The following PCDHA11 variants were observed in gnomAD, a reference collection of about 807,000 sequenced individuals.
The protein encoded by PCDHA11 is protocadherin alpha-11.
Under a neutral mutation model 70.3 loss-of-function variants are expected in PCDHA11, and 61 were observed. The ratio of observed to expected loss-of-function variants is 0.87; its 90% confidence interval spans 0.71 to 1.07. PCDHA11 has a LOEUF of 1.07. PCDHA11 is among the 50% of genes least tolerant of loss of function. PCDHA11 has a pLI of 0.00. For synonymous variants in PCDHA11, 633 were observed against 555.1 expected, an observed-to-expected ratio of 1.14 and a Z score of -1.97; for missense variants, 1,324 against 1,237.5, an observed-to-expected ratio of 1.07 and a Z score of -1.05.
intron 1 of PCDHA11, among the ~76,000 whole-genome samples, chr5:140,951,383 G>A (rs782698893): frequency 1.2e-4 from 19 of 152,064 alleles, no homozygotes; most frequent in Non-Finnish European, 2.6e-4. Flanking sequence ...CCAAGACTCG[G>A]TAATTTATAA....
Position 140,871,496 on chromosome 5 carries a change from T to C in PCDHA11, c.2391+2T>C. 1 of 1,587,392 alleles carries C rather than the reference T, an allele frequency of 6.3e-7. No individual in the cohort carries two copies. Among genetic ancestry groups the C allele is most frequent in the Non-Finnish European group, 8.6e-7 (1 of 1,165,368 alleles). ...CCAGGGTCAAATCACCCCGGACAGGTGAGTTTTCTACAGATTCCACCTATC... is the reference window on the plus strand; with the variant it reads ...CCAGGGTCAAATCACCCCGGACAGGCGAGTTTTCTACAGATTCCACCTATC... On this transcript the variant is annotated splice_donor_variant, in intron 1 of 3. Coordinates refer to ENST00000398640, the MANE Select transcript of PCDHA11 (RefSeq NM_018902.5). LOFTEE classifies it high-confidence loss of function.
chr5:140,969,372 T>G, intron 1 of PCDHA11: 1 of 1,606,704 alleles, frequency 6.2e-7, no homozygotes, highest in Non-Finnish European at 8.5e-7. Context: ...ACTCATGCAT[T>G]TGTTACACAT....
At chr5:140,970,316 A>G (rs547261671) in intron 1 of PCDHA11, among the ~76,000 whole-genome samples, 1 of 152,342 alleles carries the variant, frequency 6.6e-6, no homozygotes, top group African/African-American at 2.4e-5. Flanking sequence ...GTTAAATGAC[A>G]GTACTTCCAA....
At chr5:140,994,817 T>C (rs1362838008) in intron 3 of PCDHA11, among the ~76,000 whole-genome samples, 3 of 152,068 alleles carry the variant, frequency 2.0e-5, no homozygotes, top group African/African-American at 7.2e-5. Context: ...TACAAAAAAC[T>C]GAATTGTGTA....
At chr5:140,952,529 G>A (rs1404753711) in intron 1 of PCDHA11, among the ~76,000 whole-genome samples, 1 of 152,084 alleles carries the variant, frequency 6.6e-6, no homozygotes, top group East Asian at 1.9e-4. Context: ...GACCTCCTCA[G>A]ACTGGACTTC....
chr5:140,880,821 G>A (rs1054552020), intron 1 of PCDHA11, among the ~76,000 whole-genome samples: 4 of 152,206 alleles, frequency 2.6e-5, no homozygotes, highest in African/African-American at 7.2e-5. Flanking sequence ...AGAGTGTCTG[G>A]AAGGGCATAT....
chr5:140,928,368 A>G, intron 1 of PCDHA11: 3 of 1,614,212 alleles, frequency 1.9e-6, no homozygotes, highest in Non-Finnish European at 2.5e-6. Context: ...CTGAAGGGCC[A>G]TCAGCCTCTA....
rs782469778 is a variant in PCDHA11 at position 140,882,968 on chromosome 5, G to A, written c.2391+11474G>A. The A allele has an allele frequency of 3.7e-6, 6 of 1,614,028 alleles. No homozygotes were observed. The African/African-American group carries it at 8.0e-5, about 22-fold the overall frequency. ...AGTTCAGCTGCTCATCACGATTCTGGACGTGAATGACAACGCCCCGGAATT... is the reference window on the plus strand; with the variant it reads ...AGTTCAGCTGCTCATCACGATTCTGAACGTGAATGACAACGCCCCGGAATT... On this transcript the variant is annotated intron_variant, in intron 1 of 3. Transcript: ENST00000398640.
chr5:140,940,551 T>C (rs2092639776), intron 1 of PCDHA11, among the ~76,000 whole-genome samples: 1 of 152,214 alleles, frequency 6.6e-6, no homozygotes, highest in African/African-American at 2.4e-5. Context: ...TGGGCTCAAG[T>C]GATTCTCCTA....
chr5:140,943,751 T>C (rs947548745), intron 1 of PCDHA11, among the ~76,000 whole-genome samples: 1 of 152,048 alleles, frequency 6.6e-6, no homozygotes, highest in South Asian at 2.1e-4. Flanking sequence ...CTAAAAGCAG[T>C]AGGAGATGTA....
intron 1 of PCDHA11, among the ~76,000 whole-genome samples, chr5:140,941,877 A>T (rs1554214743): frequency 1.3e-5 from 2 of 152,224 alleles, no homozygotes; most frequent in Non-Finnish European, 2.9e-5. Flanking sequence ...TTCTATCACC[A>T]GTGACTAGCA....
At chr5:140,922,980 A>G (rs2081098580) in intron 1 of PCDHA11, among the ~76,000 whole-genome samples, 1 of 152,244 alleles carries the variant, frequency 6.6e-6, no homozygotes, top group African/African-American at 2.4e-5. Flanking sequence ...TATCTCAGAC[A>G]ATAGGCAAGC....
chr5:140,961,234 G>A (rs2095598781), intron 1 of PCDHA11, among the ~76,000 whole-genome samples: 1 of 152,180 alleles, frequency 6.6e-6, no homozygotes, highest in South Asian at 2.1e-4. Context: ...CCAAAAAGGT[G>A]ATGGAATTTA....
chr5:140,911,792 T>C (rs1429471693), intron 1 of PCDHA11, among the ~76,000 whole-genome samples: 1 of 152,190 alleles, frequency 6.6e-6, no homozygotes, highest in Non-Finnish European at 1.5e-5. Context: ...TTTTTGGGTC[T>C]AATCATATTA....
At chr5:140,927,854 C>T (rs1047804872) in intron 1 of PCDHA11, 1 of 1,614,222 alleles carries the variant, frequency 6.2e-7, no homozygotes, top group South Asian at 1.1e-5. Flanking sequence ...TTTGGTTTAG[C>T]TAGCACCGCT....
chr5:140,870,222 G>A lies in PCDHA11; in HGVS notation c.1119G>A (p.Val373=). The A allele has an allele frequency of 6.2e-7, 1 of 1,614,180 alleles. No homozygotes were observed. The highest frequency in any genetic ancestry group is 1.3e-5 in the African/African-American group (1 of 75,064). ...QPSTVIALIS[V]SDRDSGVNGQ... is the part of the protein sequence containing the mutation. ...GCACGGTCATTGCCCTGATCAGCGT[G>A]TCTGACCGTGACTCAGGTGTCAACG... Residue 373 remains valine, a synonymous_variant, in exon 1 of 4, where the codon GTG becomes GTA. Coordinates refer to ENST00000398640, the MANE Select transcript of PCDHA11 (RefSeq NM_018902.5).
intron 1 of PCDHA11, chr5:140,927,923 CTCT>C: frequency 6.2e-7 from 1 of 1,614,232 alleles, no homozygotes; most frequent in East Asian, 2.2e-5. Context: ...GACTTCCTGA[CTCT>C]TTCGAACCCA....
chr5:140,988,403 C>T (rs1054317981), intron 3 of PCDHA11, among the ~76,000 whole-genome samples: 3 of 152,036 alleles, frequency 2.0e-5, no homozygotes, highest in African/African-American at 4.8e-5. Context: ...GAGTTCTCTT[C>T]GCAGCTTATG....
At position 141,011,322 on chromosome 5, in the gene PCDHA11, C is replaced by T. The variant is rs1210973958; in HGVS notation, c.*1385C>T. The T allele has an allele frequency of 2.0e-5, 3 of 153,698 alleles. No individual in the cohort carries two copies. The highest frequency in any genetic ancestry group is 7.2e-5 in the African/African-American group (3 of 41,430). The allele number at this position is 153,698 out of a possible 1,614,324, so 9.5% of individuals were successfully genotyped here. On this transcript the variant is annotated 3_prime_UTR_variant, in exon 4 of 4. Coordinates refer to ENST00000398640, the MANE Select transcript of PCDHA11 (RefSeq NM_018902.5). Reference sequence around the variant, plus strand: ...CTCTGAATTGCTAATCTTACTAACACCTATGATGTTACCTGAAATCAATCT... The same window carrying T: ...CTCTGAATTGCTAATCTTACTAACATCTATGATGTTACCTGAAATCAATCT...
Sources: allele counts gnomAD v4.1 joint callset (sites outside exome capture counted in the v4.1 genomes callset), GRCh38; gene constraint gnomAD v4.1.1; transcripts MANE v1.5; gene names NCBI Gene and HGNC (gene_info 2026-07-23, HGNC 2026-07-21).